The following CTBP2 variants were observed in gnomAD, a reference collection of about 807,000 sequenced individuals.
CTBP2 encodes C-terminal-binding protein 2.
A neutral mutation model predicts 80.3 loss-of-function variants in CTBP2; 30 were observed. The ratio of observed to expected loss-of-function variants is 0.37; its 90% CI spans 0.28 to 0.51. CTBP2 has a LOEUF of 0.51. CTBP2 is among the 20% of genes least tolerant of loss of function. CTBP2 has a pLI of 0.93. For missense variants in CTBP2, 1,212 were observed against 1,375.3 expected (o/e 0.88, Z 1.88); for synonymous variants, 594 against 587.4 (o/e 1.01, Z -0.16).
intron 1 of CTBP2, chr10:125,005,421 A>T (rs1955105288): frequency 3.3e-6 from 3 of 922,838 alleles, no homozygotes; most frequent in Non-Finnish European, 4.9e-6. Flanking sequence ...TGCTGCCCCG[A>T]CACCCAGGTC....
intron 1 of CTBP2, among the ~76,000 whole-genome samples, chr10:125,016,287 C>T: frequency 6.6e-6 from 1 of 152,154 alleles, no homozygotes; most frequent in Non-Finnish European, 1.5e-5. Context: ...CTGCCAAGTT[C>T]CAGGGGCCAC....
At position 125,106,568 on chromosome 10, in the gene CTBP2, C is replaced by T. The variant is rs533318197; in HGVS notation, c.-102+4422G>A. ...ATCACGGAAAGAGAAGCGGACACCA[C>T]GCCTCCATTTCCCAGCATAACGTCA... On this transcript the variant is annotated intron_variant, in intron 2 of 10. Coordinates refer to the CTBP2 transcript ENST00000337195. Among the ~76,000 whole-genome samples, 182 of 152,318 alleles carry T rather than the reference C, an allele frequency of 1.2e-3. 1 individual carries two copies. The highest frequency in any genetic ancestry group is 3.9e-3 in the African/African-American group (164 of 41,564).
At chr10:125,063,973 C>T (rs377446172) in intron 2 of CTBP2, among the ~76,000 whole-genome samples, 91 of 152,250 alleles carry the variant, frequency 6.0e-4, no homozygotes, top group African/African-American at 2.1e-3. Context: ...CCCTCAACCC[C>T]CCGCACCCCA....
chr10:125,145,554 C>T (rs549075169), intron 1 of CTBP2, among the ~76,000 whole-genome samples: 2 of 152,250 alleles, frequency 1.3e-5, no homozygotes, highest in South Asian at 4.2e-4. Flanking sequence ...TCTGCTCCCT[C>T]CTGATAAAAC....
In CTBP2 at chr10:125,125,199, C is replaced by T. The variant is rs550746822; in HGVS notation, c.-205-14106G>A. Among the ~76,000 whole-genome samples the T allele has an allele frequency of 2.0e-5, 3 of 152,304 alleles. No individual in the cohort carries two copies. In the South Asian group the frequency reaches 6.2e-4, roughly 32 times the overall value. Reference sequence around the variant, plus strand: ...GTTGGCGGAGCATCAACAGCCCAATCGTAAGACAGCGTTAATCACATGCAA... The same window carrying T: ...GTTGGCGGAGCATCAACAGCCCAATTGTAAGACAGCGTTAATCACATGCAA... On this transcript the variant is annotated intron_variant, in intron 1 of 10. Transcript: ENST00000337195.
At chr10:125,114,329 C>A (rs115946753) in intron 1 of CTBP2, among the ~76,000 whole-genome samples, 2 of 152,060 alleles carry the variant, frequency 1.3e-5, no homozygotes, top group Non-Finnish European at 2.9e-5. Context: ...AAACATCCCG[C>A]GGCAAATGTG....
At chr10:125,139,039 A>G (rs1341271012) in intron 1 of CTBP2, among the ~76,000 whole-genome samples, 2 of 152,040 alleles carry the variant, frequency 1.3e-5, no homozygotes, top group Non-Finnish European at 2.9e-5. Context: ...ATACATCTCC[A>G]TCTTCCCTGC....
At chr10:125,006,724 G>A (rs368746232) in intron 1 of CTBP2, among the ~76,000 whole-genome samples, 2 of 152,218 alleles carry the variant, frequency 1.3e-5, no homozygotes, top group Non-Finnish European at 2.9e-5. Flanking sequence ...CTGACACACA[G>A]AGTAAGATTC....
chr10:125,120,337 G>A (rs1854106807), intron 1 of CTBP2, among the ~76,000 whole-genome samples: 1 of 152,224 alleles, frequency 6.6e-6, no homozygotes, highest in South Asian at 2.1e-4. Context: ...AAAGTCCACA[G>A]TCCCTGAAAA....
intron 3 of CTBP2, among the ~76,000 whole-genome samples, chr10:125,035,961 A>G (rs769019158): frequency 3.9e-5 from 6 of 152,082 alleles, no homozygotes; most frequent in Non-Finnish European, 7.4e-5. Context: ...CAGGCATCAG[A>G]AAAAAAAGGA....
intron 1 of CTBP2, 133 bp from the exon 2 acceptor site, chr10:125,111,226 A>T (rs916086200): frequency 1.3e-5 from 2 of 152,160 alleles, no homozygotes; most frequent in Admixed American, 1.3e-4. Flanking sequence ...AAATGGTTTC[A>T]TTAAAAATAC....
At chr10:125,069,789 G>A (rs1310055104) in intron 2 of CTBP2, among the ~76,000 whole-genome samples, 5 of 152,074 alleles carry the variant, frequency 3.3e-5, no homozygotes, top group African/African-American at 9.7e-5. Context: ...TTCTCACAGA[G>A]TATTTTGTTG....
At chr10:125,147,916 T>C (rs1258710443) in intron 1 of CTBP2, among the ~76,000 whole-genome samples, 2 of 152,030 alleles carry the variant, frequency 1.3e-5, no homozygotes, top group African/African-American at 2.4e-5. Context: ...AAAAAAATTC[T>C]AACAAACACA....
chr10:125,021,269 CAGA>C (rs1332279711), intron 1 of CTBP2, among the ~76,000 whole-genome samples: 1 of 152,202 alleles, frequency 6.6e-6, no homozygotes, highest in African/African-American at 2.4e-5. Context: ...ACTGCTCTCC[CAGA>C]AGCAGAGGAA....
chr10:125,136,325 G>T (rs993948604), intron 1 of CTBP2, among the ~76,000 whole-genome samples: 1 of 152,184 alleles, frequency 6.6e-6, no homozygotes, highest in Admixed American at 6.5e-5. Context: ...GGGCTCCCCA[G>T]GCCCCAGACA....
chr10:125,076,325 T>C (rs761696127), intron 2 of CTBP2, among the ~76,000 whole-genome samples: 2 of 152,226 alleles, frequency 1.3e-5, no homozygotes, highest in Non-Finnish European at 2.9e-5. Context: ...AGCTGGGTTC[T>C]AGCCCCAGCT....
rs2946994 is a variant in CTBP2, at chr10:125,026,145, G to T, written c.1615C>A (p.Gln539Lys). ...GCCCCTGTGCGCCGGGCCACCTTCT[G>T]GTACGGTGAGTGAGGCGTGTGGAGG... The change falls in exon 1 of 9, where the codon CAG becomes AAG. Residue 539 changes from glutamine (Q) to lysine (K), a missense_variant. Around this residue, in one of 3 missense-constraint regions of CTBP2, gnomAD observed 848 missense variants for 782.3 expected, o/e 1.08. Transcript: ENST00000309035. The T allele has an allele frequency of 5.0e-6, 8 of 1,605,202 alleles. No homozygotes were observed. The highest frequency in any genetic ancestry group is 4.5e-5 in the East Asian group (2 of 44,616).
intron 1 of CTBP2, among the ~76,000 whole-genome samples, chr10:125,135,238 G>A (rs1206180232): frequency 6.6e-6 from 1 of 152,054 alleles, no homozygotes; most frequent in East Asian, 1.9e-4. Flanking sequence ...AATGCCTCCA[G>A]GTGTCCTTTG....
intron 2 of CTBP2, among the ~76,000 whole-genome samples, chr10:125,102,934 T>G (rs1336661139): frequency 6.6e-6 from 1 of 152,170 alleles, no homozygotes; most frequent in Non-Finnish European, 1.5e-5. Context: ...ATCCCTCACC[T>G]ACGAGGCTGC....
Sources: gnomAD v4.1 joint callset for allele counts (sites outside exome capture counted in the v4.1 genomes callset) on GRCh38, gnomAD v4.1.1 for gene constraint, gnomAD v4.1.1 regional missense constraint, MANE v1.5 for transcripts, NCBI Gene and HGNC (gene_info 2026-07-23, HGNC 2026-07-21) for gene names.